Variants in NRXN1 observed in about 807,000 individuals in gnomAD.
NRXN1 encodes the protein neurexin 1.
Under a neutral mutation model 150.9 loss-of-function variants are expected in NRXN1, and 39 were observed. The ratio of observed to expected loss-of-function variants is 0.26; its 90% CI spans 0.20 to 0.34. The LOEUF is 0.34. Ranked by LOEUF, NRXN1 falls within the 10% of genes least tolerant of loss-of-function variation. NRXN1 has a pLI of 1.00. For missense variants in NRXN1, 1,815 were observed against 1,949.9 expected (o/e 0.93, Z 1.30); for synonymous variants, 924 against 757.0 (o/e 1.22, Z -3.62).
intron 17 of NRXN1, among the ~76,000 whole-genome samples, chr2:50,413,006 C>T (rs1296760401): frequency 1.3e-5 from 2 of 152,134 alleles, no homozygotes; most frequent in Non-Finnish European, 2.9e-5. Context: ...GGGAAAATCT[C>T]CAGGACATTT....
chr2:50,857,417 G>A (rs1444393862), intron 5 of NRXN1, among the ~76,000 whole-genome samples: 1 of 152,018 alleles, frequency 6.6e-6, no homozygotes, highest in Non-Finnish European at 1.5e-5. Context: ...TTTGAGGTGT[G>A]AAAAATTAGC....
chr2:51,006,286 A>T (rs573354239), intron 2 of NRXN1, among the ~76,000 whole-genome samples: 7 of 151,752 alleles, frequency 4.6e-5, no homozygotes, highest in African/African-American at 1.2e-4. Flanking sequence ...TCAGTAAACT[A>T]TCGCAAGGAC....
chr2:50,404,509 G>A (rs954172591), intron 17 of NRXN1, among the ~76,000 whole-genome samples: 4 of 152,032 alleles, frequency 2.6e-5, no homozygotes, highest in African/African-American at 9.7e-5. Context: ...AAGAGTTTTA[G>A]GGTTGAAGTG....
intron 18 of NRXN1, among the ~76,000 whole-genome samples, chr2:50,184,114 A>G (rs2060915003): frequency 6.6e-6 from 1 of 152,100 alleles, no homozygotes; most frequent in South Asian, 2.1e-4. Flanking sequence ...CAGATGCATT[A>G]GCTAATATTC....
intron 12 of NRXN1, among the ~76,000 whole-genome samples, chr2:50,516,063 G>A (rs2092622127): frequency 6.6e-6 from 1 of 152,140 alleles, no homozygotes; most frequent in Non-Finnish European, 1.5e-5. Flanking sequence ...ATTGAGTTGT[G>A]AGTGAAACCT....
intron 5 of NRXN1, among the ~76,000 whole-genome samples, chr2:50,900,696 G>T (rs562126056): frequency 6.6e-6 from 1 of 152,260 alleles, no homozygotes; most frequent in East Asian, 1.9e-4. Flanking sequence ...TGATATGACA[G>T]GTAATAAGGG....
At chr2:49,989,498 A>G (rs1173579490) in intron 21 of NRXN1, among the ~76,000 whole-genome samples, 1 of 152,198 alleles carries the variant, frequency 6.6e-6, no homozygotes, top group East Asian at 1.9e-4. Flanking sequence ...CATGAGGAGC[A>G]TACCTTTACT....
intron 16 of NRXN1, among the ~76,000 whole-genome samples, chr2:50,470,883 C>A (rs1348858744): frequency 2.6e-5 from 4 of 151,630 alleles, no homozygotes; most frequent in Non-Finnish European, 5.9e-5. Context: ...TGATAGAGAG[C>A]ACAAAAGAAA....
intron 17 of NRXN1, among the ~76,000 whole-genome samples, chr2:50,405,338 C>A (rs1268366162): frequency 6.6e-6 from 1 of 151,960 alleles, no homozygotes; most frequent in African/African-American, 2.4e-5. Context: ...GGCAAAATAT[C>A]AAATAAAATG....
chr2:50,053,793 T>A (rs545247996), intron 20 of NRXN1, among the ~76,000 whole-genome samples: 3 of 152,188 alleles, frequency 2.0e-5, no homozygotes, highest in Admixed American at 2.0e-4. Flanking sequence ...TCTCAACTTA[T>A]TATAAATGTA....
intron 17 of NRXN1, among the ~76,000 whole-genome samples, chr2:50,296,889 T>C (rs1385363217): frequency 4.0e-5 from 6 of 148,368 alleles, no homozygotes; most frequent in African/African-American, 1.5e-4. Context: ...TTCTTTTTTT[T>C]TTTTTTTTTT....
At chr2:50,647,172 C>T (rs984789100) in intron 5 of NRXN1, among the ~76,000 whole-genome samples, 1 of 151,722 alleles carries the variant, frequency 6.6e-6, no homozygotes, top group Non-Finnish European at 1.5e-5. Context: ...AGGTCATTCC[C>T]TGGAGAGTGT....
chr2:50,232,811 C>G (rs1194905859), intron 18 of NRXN1, among the ~76,000 whole-genome samples: 1 of 152,044 alleles, frequency 6.6e-6, no homozygotes, highest in Admixed American at 6.6e-5. Context: ...AAGTGAATTA[C>G]AATAAATAAG....
Position 50,269,842 on chromosome 2 carries a change from A to G in NRXN1, c.3365-32872T>C, listed in dbSNP as rs191025414. 4.6e-5 allele frequency among the ~76,000 whole-genome samples: 7 copies of G among 152,296 alleles called. No individual in the cohort carries two copies. The East Asian group carries it at 1.4e-3, about 29-fold the overall frequency. ...GAGCCTTAAAGAGGCGGAAAGGTCT[A>G]ATTTGGGAAAAGACTCGTTCCTTAA... On this transcript the variant is annotated intron_variant, in intron 17 of 22. Coordinates refer to ENST00000401669, the MANE Select transcript of NRXN1 (RefSeq NM_001330078.2).
chr2:50,934,043 C>T (rs1020513975), intron 2 of NRXN1, among the ~76,000 whole-genome samples: 5 of 152,086 alleles, frequency 3.3e-5, no homozygotes, highest in African/African-American at 1.2e-4. Context: ...CAAGCCACAC[C>T]TCATTATATG....
intron 8 of NRXN1, among the ~76,000 whole-genome samples, chr2:50,581,474 A>G (rs1000850744): frequency 1.3e-5 from 2 of 152,214 alleles, no homozygotes; most frequent in African/African-American, 4.8e-5. Flanking sequence ...AGGTAATATA[A>G]AGGATAAATC....
intron 17 of NRXN1, among the ~76,000 whole-genome samples, chr2:50,260,872 TCTC>T (rs1417789155): frequency 6.6e-6 from 1 of 151,672 alleles, no homozygotes; most frequent in African/African-American, 2.4e-5. Context: ...ATCAGTCTCT[TCTC>T]CTGTTCCTCT....
intron 5 of NRXN1, among the ~76,000 whole-genome samples, chr2:50,697,880 C>G (rs1693160047): frequency 6.6e-6 from 1 of 152,092 alleles, no homozygotes; most frequent in African/African-American, 2.4e-5. Context: ...GCTGTTCCCC[C>G]AAAGTAGACA....
At chr2:49,988,316 A>G (rs995966666) in intron 21 of NRXN1, among the ~76,000 whole-genome samples, 6 of 149,206 alleles carry the variant, frequency 4.0e-5, no homozygotes, top group Non-Finnish European at 7.4e-5. Flanking sequence ...TTCTATCAGA[A>G]AAAAAAAAAA....
Sources: allele counts gnomAD v4.1 joint callset (sites outside exome capture counted in the v4.1 genomes callset), GRCh38; gene constraint gnomAD v4.1.1; transcripts MANE v1.5; gene names NCBI Gene and HGNC (gene_info 2026-07-23, HGNC 2026-07-21).